The following DLEU7 variants were observed in gnomAD, a reference collection of about 807,000 sequenced individuals.
DLEU7 encodes the protein leukemia-associated protein 7.
DLEU7 carries 17 observed loss-of-function variants against 16.0 expected under a neutral mutation model. That is an observed-to-expected ratio of 1.06 (90% confidence interval 0.73 to 1.59). The LOEUF (loss-of-function observed/expected upper bound fraction) is 1.59, where lower values mean the gene tolerates loss of function less well. Ranked by LOEUF, DLEU7 falls within the 40% of genes most tolerant of loss-of-function variation. The pLI is 0.00. For missense variants in DLEU7, 308 were observed against 314.9 expected, an observed-to-expected ratio of 0.98 and a Z score of 0.17; for synonymous variants, 113 against 139.8, an observed-to-expected ratio of 0.81 and a Z score of 1.35.
chr13:50,824,274 C>T (rs189415405), intron 1 of DLEU7, among the ~76,000 whole-genome samples: 117 of 152,246 alleles, frequency 7.7e-4, no homozygotes, highest in African/African-American at 2.6e-3. Context: ...GGTTTATTTT[C>T]TAAAATCCAT....
At chr13:50,736,065 T>C (rs1210503987) in intron 1 of DLEU7, among the ~76,000 whole-genome samples, 2 of 152,168 alleles carry the variant, frequency 1.3e-5, no homozygotes, top group Non-Finnish European at 2.9e-5. Flanking sequence ...TGTACGTTAA[T>C]TGCAATACTA....
intron 1 of DLEU7, among the ~76,000 whole-genome samples, chr13:50,784,880 A>G (rs1056083442): frequency 6.6e-6 from 1 of 152,162 alleles, no homozygotes; most frequent in African/African-American, 2.4e-5. Flanking sequence ...TCAGTTATCA[A>G]CCTGAAACTA....
chr13:50,753,395 C>A (rs583532), intron 1 of DLEU7, among the ~76,000 whole-genome samples: 71,997 of 152,006 alleles, frequency 0.47, 18,098 homozygotes, highest in African/African-American at 0.63. Flanking sequence ...TGCACAGGAG[C>A]ACACGGAGGG....
rs1236132622 is a variant in DLEU7 at position 50,810,754 on chromosome 13, G to C, written c.459+32434C>G. On this transcript the variant is annotated intron_variant, in intron 1 of 1. Coordinates refer to the DLEU7 transcript ENST00000400393. ...GCAATCTATAAGTGTTGTTAAAGGG[G>C]CCTTGGGAGGAATTCAACTGTTGTG... Among the ~76,000 whole-genome samples, 12 of 152,132 alleles carry C rather than the reference G, an allele frequency of 7.9e-5. No individual in the cohort carries two copies. The East Asian group carries it at 2.3e-3, about 29-fold the overall frequency.
At chr13:50,776,449 A>G (rs996038577) in intron 1 of DLEU7, among the ~76,000 whole-genome samples, 1 of 152,222 alleles carries the variant, frequency 6.6e-6, no homozygotes, top group Non-Finnish European at 1.5e-5. Context: ...TAAAATAGCT[A>G]ATTCCCTGAC....
intron 1 of DLEU7, among the ~76,000 whole-genome samples, chr13:50,827,219 C>T (rs1877114925): frequency 6.6e-6 from 1 of 152,148 alleles, no homozygotes; most frequent in South Asian, 2.1e-4. Context: ...ACAGCAGTGA[C>T]ATGTCGAATG....
intron 1 of DLEU7, among the ~76,000 whole-genome samples, chr13:50,744,871 C>A (rs1018477353): frequency 2.6e-5 from 4 of 152,256 alleles, no homozygotes; most frequent in South Asian, 4.1e-4. Flanking sequence ...AACGTTGGAC[C>A]ACTTCACACC....
Position 50,843,397 on chromosome 13 carries a change from TCGCCCG to T in DLEU7, c.244_249del (p.Arg82_Ala83del). 1 of 1,330,100 alleles carries T rather than the reference TCGCCCG, an allele frequency of 7.5e-7. No individual in the cohort carries two copies. The highest frequency in any genetic ancestry group is 9.6e-7 in the Non-Finnish European group (1 of 1,044,122). 82.4% of individuals were successfully genotyped at this position (1,330,100 alleles called of 1,614,324 possible). ...CGCACTACCTCCTCCTCTGGGGAGT[TCGCCCG>T]CGCCGCGGTCCGCCGACTCCTGGTC... On this transcript the variant is annotated inframe_deletion, in exon 1 of 2. Coordinates refer to ENST00000504404, the MANE Select transcript of DLEU7 (RefSeq NM_001306135.2). The surrounding 1 kb of genome is among the most constrained non-coding windows in gnomAD (Gnocchi z 5.7).
chr13:50,790,322 G>T (rs1875919061), intron 1 of DLEU7, among the ~76,000 whole-genome samples: 1 of 151,926 alleles, frequency 6.6e-6, no homozygotes, highest in South Asian at 2.1e-4. Flanking sequence ...AAAATAAAAA[G>T]ATCTGAAGGG....
intron 1 of DLEU7, among the ~76,000 whole-genome samples, chr13:50,787,572 T>G (rs1368095725): frequency 1.3e-5 from 2 of 152,068 alleles, no homozygotes; most frequent in Non-Finnish European, 2.9e-5. Context: ...GCATCTTTGC[T>G]GACACCTCTT....
intron 1 of DLEU7, among the ~76,000 whole-genome samples, chr13:50,758,720 C>T (rs116817106): frequency 2.5e-3 from 384 of 152,304 alleles, no homozygotes; most frequent in African/African-American, 8.7e-3. Flanking sequence ...TCACATGAAC[C>T]TCTCCACAGG....
At chr13:50,790,204 A>G (rs189819434) in intron 1 of DLEU7, among the ~76,000 whole-genome samples, 2 of 152,168 alleles carry the variant, frequency 1.3e-5, no homozygotes, top group African/African-American at 4.8e-5. Context: ...AAATGTTGAG[A>G]TTACAGGCGT....
chr13:50,767,670 G>T (rs1875163145), intron 1 of DLEU7, among the ~76,000 whole-genome samples: 2 of 152,056 alleles, frequency 1.3e-5, no homozygotes, highest in Admixed American at 6.5e-5. Context: ...AGAATTCAAG[G>T]CATCACCAAA....
chr13:50,796,004 G>A (rs1876096836), intron 1 of DLEU7, among the ~76,000 whole-genome samples: 1 of 152,020 alleles, frequency 6.6e-6, no homozygotes, highest in Admixed American at 6.6e-5. Flanking sequence ...ATACAATTGT[G>A]ACTCAGTTTA....
chr13:50,745,642 T>C (rs1226095007), intron 1 of DLEU7, among the ~76,000 whole-genome samples: 1 of 152,180 alleles, frequency 6.6e-6, no homozygotes, highest in Non-Finnish European at 1.5e-5. Flanking sequence ...TTGTCAAATA[T>C]CCAGGCCTCA....
chr13:50,764,914 A>G (rs1875055928), intron 1 of DLEU7, among the ~76,000 whole-genome samples: 1 of 141,296 alleles, frequency 7.1e-6, no homozygotes, highest in African/African-American at 2.9e-5. Flanking sequence ...ACAGAGTCTC[A>G]CTCTGTTGCC....
exon 2 of DLEU7, chr13:50,712,250 G>C (rs565957314): frequency 6.6e-6 from 1 of 152,178 alleles, no homozygotes; most frequent in Non-Finnish European, 1.5e-5. Flanking sequence ...ATCTATGTAC[G>C]CCTTCTTTGG....
intron 1 of DLEU7, among the ~76,000 whole-genome samples, chr13:50,750,277 C>A (rs1025174001): frequency 6.6e-6 from 1 of 152,180 alleles, no homozygotes; most frequent in Non-Finnish European, 1.5e-5. Flanking sequence ...GTTCTCTATT[C>A]TATTCCATTG....
intron 1 of DLEU7, among the ~76,000 whole-genome samples, chr13:50,717,213 A>G (rs1232577416): frequency 6.6e-6 from 1 of 152,206 alleles, no homozygotes; most frequent in African/African-American, 2.4e-5. Context: ...TCATATGACT[A>G]TCCACTCCCA....
Sources: allele counts gnomAD v4.1 joint callset (sites outside exome capture counted in the v4.1 genomes callset), GRCh38; gene constraint gnomAD v4.1.1; non-coding constraint Gnocchi (gnomAD v3.1); transcripts MANE v1.5; gene names NCBI Gene and HGNC (gene_info 2026-07-23, HGNC 2026-07-21).